Variants in ZMYM5 observed in about 807,000 individuals in gnomAD.
The protein encoded by ZMYM5 is zinc finger MYM-type protein 5.
A neutral mutation model predicts 61.8 loss-of-function variants in ZMYM5; 41 were observed. That is an observed-to-expected ratio of 0.66 (90% CI 0.52 to 0.86). ZMYM5 has a LOEUF of 0.86. Among genes scored for constraint, ZMYM5 ranks in the 40% least tolerant of loss-of-function variants. The pLI, the probability that ZMYM5 is intolerant of heterozygous loss-of-function variation, is 0.00. For missense variants in ZMYM5, 706 were observed against 786.7 expected (o/e 0.90, Z 1.23); for synonymous variants, 257 against 276.4 (o/e 0.93, Z 0.70).
chr13:19,825,047 T>A lies in ZMYM5; in HGVS notation c.1440A>T (p.Leu480Phe). The A allele has an allele frequency of 7.3e-7, 1 of 1,367,728 alleles. No homozygotes were observed. The highest frequency in any genetic ancestry group is 9.8e-7 in the Non-Finnish European group (1 of 1,021,868). 84.7% of individuals were successfully genotyped at this position (1,367,728 alleles called of 1,614,324 possible). The part of the protein sequence containing the change: ...QLSVECGTDT[L>F]LIQENVNLPP... ...GTAAATTCACATTCTCTTGGATCAG[T>A]AATGTATCCGTGCCACATTCTACTG... is the stretch of plus-strand genomic sequence containing the variant. Residue 480 changes from leucine to phenylalanine, a missense_variant, in exon 8 of 8, where the codon TTA becomes TTT. Transcript: ENST00000337963.
rs34176871 is a variant in ZMYM5, at chr13:19,847,803, ATTTT to A, written c.586+3548_586+3551del. ...AGGCACCTGCCACCATGCCCGGCTA[ATTTT>A]TTTTTTTTTTTTTTTTTTTTGTATT... On this transcript the variant is annotated intron_variant, in intron 4 of 7. Transcript: ENST00000337963. Among the ~76,000 whole-genome samples the A allele has an allele frequency of 3.8e-5, 3 of 79,888 alleles. No individual in the cohort carries two copies. The East Asian group carries it at 1.2e-3, about 32-fold the overall frequency. 52.4% of individuals were successfully genotyped at this position (79,888 alleles called of 152,430 possible).
intron 5 of ZMYM5, 51 bp from the exon 6 acceptor site, chr13:19,837,872 A>T: frequency 6.5e-7 from 1 of 1,528,580 alleles, no homozygotes; most frequent in Non-Finnish European, 8.8e-7. Flanking sequence ...ATTTTAATAC[A>T]AGTCAAATAT....
In ZMYM5 at chr13:19,851,749, A is replaced by G; in HGVS notation, c.432T>C (p.Pro144=). The part of the protein sequence containing the change: ...KSSCFIEWGL[P]GTKNKTNDLD... ...AATCGTTGGTTTTGTTTTTAGTTCC[A>G]GGAAGTCCCCATTCGATAAAACAGG... Residue 144 remains proline, a synonymous_variant, in exon 3 of 8, where the codon CCT becomes CCC. Coordinates refer to ENST00000337963, the MANE Select transcript of ZMYM5 (RefSeq NM_001142684.2). The G allele has an allele frequency of 1.3e-6, 2 of 1,594,024 alleles. No individual in the cohort carries two copies. Among genetic ancestry groups the G allele is most frequent in the Non-Finnish European group, 8.5e-7 (1 of 1,174,986 alleles).
chr13:19,834,261 A>C (rs1952609101), intron 7 of ZMYM5, among the ~76,000 whole-genome samples: 1 of 152,018 alleles, frequency 6.6e-6, no homozygotes. Context: ...TACAGGCGTG[A>C]GCCACCACGT....
intron 7 of ZMYM5, among the ~76,000 whole-genome samples, chr13:19,834,279 ATTT>A (rs1952609697): frequency 6.9e-6 from 1 of 144,778 alleles, no homozygotes. Context: ...CGTCCAGCCT[ATTT>A]TTTCTTTTAA....
chr13:19,835,848 G>C (rs995686514), intron 6 of ZMYM5, among the ~76,000 whole-genome samples, 159 bp from the exon 7 acceptor site: 1 of 150,932 alleles, frequency 6.6e-6, no homozygotes. Flanking sequence ...TTCTGAGATA[G>C]AGTCTCACTC....
At chr13:19,852,700 T>C (rs1332154088) in intron 2 of ZMYM5, among the ~76,000 whole-genome samples, 1 of 152,224 alleles carries the variant, frequency 6.6e-6, no homozygotes, top group African/African-American at 2.4e-5. Context: ...CCAGATATTA[T>C]GCAATGGGCT....
At chr13:19,826,318 C>T (rs1443141806) in intron 7 of ZMYM5, among the ~76,000 whole-genome samples, 2 of 151,862 alleles carry the variant, frequency 1.3e-5, no homozygotes, top group African/African-American at 4.8e-5. Flanking sequence ...TGCTACTGCA[C>T]ACCAGCCTGG....
At chr13:19,848,227 C>T (rs564701225) in intron 4 of ZMYM5, among the ~76,000 whole-genome samples, 4 of 151,974 alleles carry the variant, frequency 2.6e-5, no homozygotes, top group African/African-American at 4.8e-5. Flanking sequence ...TCAGGTGATC[C>T]GACAGCCTTG....
chr13:19,863,212 C>G (rs1468422582), intron 1 of ZMYM5, among the ~76,000 whole-genome samples: 1 of 151,496 alleles, frequency 6.6e-6, no homozygotes, highest in Non-Finnish European at 1.5e-5. Flanking sequence ...CCCCGCCTCC[C>G]CGCCGGCCCC....
At chr13:19,837,311 G>A (rs560511748) in intron 6 of ZMYM5, 31 of 760,402 alleles carry the variant, frequency 4.1e-5, no homozygotes, top group Middle Eastern at 5.0e-4. Context: ...GAGCCACCAC[G>A]TCCGGCCCCA....
At chr13:19,840,348 C>A (rs1293271772) in intron 4 of ZMYM5, among the ~76,000 whole-genome samples, 1 of 152,162 alleles carries the variant, frequency 6.6e-6, no homozygotes, top group Non-Finnish European at 1.5e-5. Context: ...AACCCCATCT[C>A]TACAAAAAAT....
intron 4 of ZMYM5, among the ~76,000 whole-genome samples, chr13:19,850,187 G>A (rs1291512362): frequency 6.6e-6 from 1 of 152,062 alleles, no homozygotes; most frequent in Non-Finnish European, 1.5e-5. Context: ...CACTTGTTAT[G>A]TTTTAATTAT....
chr13:19,836,448 CTTTT>C (rs1008828289), intron 6 of ZMYM5, among the ~76,000 whole-genome samples: 1 of 151,340 alleles, frequency 6.6e-6, no homozygotes, highest in African/African-American at 2.4e-5. Context: ...GGTCAACAAT[CTTTT>C]TTTTTCTTTT....
intron 2 of ZMYM5, among the ~76,000 whole-genome samples, chr13:19,852,423 ACT>A (rs949054190): frequency 6.6e-6 from 1 of 152,082 alleles, no homozygotes; most frequent in Non-Finnish European, 1.5e-5. Flanking sequence ...CACTTTATTC[ACT>A]CTTTATAGTG....
intron 2 of ZMYM5, 99 bp from the exon 3 acceptor site, chr13:19,852,289 T>G: frequency 7.9e-7 from 1 of 1,271,396 alleles, no homozygotes; most frequent in African/African-American, 1.5e-5. Flanking sequence ...AATTATTTTT[T>G]GTGATACCTG....
intron 3 of ZMYM5, 109 bp downstream of exon 3, chr13:19,851,580 G>T: frequency 2.0e-6 from 3 of 1,537,060 alleles, no homozygotes; most frequent in Non-Finnish European, 2.7e-6. Flanking sequence ...TTCACATCTT[G>T]CCCAGCATTC....
intron 2 of ZMYM5, among the ~76,000 whole-genome samples, chr13:19,853,725 C>T: frequency 6.6e-6 from 1 of 151,738 alleles, no homozygotes. Flanking sequence ...CTTTAACTTC[C>T]TGAGTAGCAT....
rs774407452 is a variant in ZMYM5, at chr13:19,838,703, T to C, written c.869A>G (p.Lys290Arg). Residue 290 changes from lysine to arginine, a missense_variant, in exon 5 of 8, where the codon AAA becomes AGA. Lys to Arg is a conservative substitution (Grantham distance 26). This residue lies in a region of ZMYM5 where 480 missense variants were observed against 461.7 expected (regional missense o/e 1.04). Coordinates refer to ENST00000337963, the MANE Select transcript of ZMYM5 (RefSeq NM_001142684.2). ...AATGTTGAAAGGTACTGCTTACTTT[T>C]TACATATTATGCTTCGTGTGTTTTG... ...RTQNTRSIICKKDASTKKANV... is the reference protein window; with the variant it reads ...RTQNTRSIICRKDASTKKANV... 3.2e-5 allele frequency: 52 copies of C among 1,613,816 alleles called. No homozygotes were observed. Among genetic ancestry groups the C allele is most frequent in the Non-Finnish European group, 4.2e-5 (50 of 1,179,846 alleles).
Sources: gnomAD v4.1 joint callset for allele counts (sites outside exome capture counted in the v4.1 genomes callset) on GRCh38, gnomAD v4.1.1 for gene constraint, gnomAD v4.1.1 regional missense constraint, MANE v1.5 for transcripts, NCBI Gene and HGNC (gene_info 2026-07-23, HGNC 2026-07-21) for gene names.